Variants in SUPT3H observed in about 807,000 individuals in gnomAD.
SUPT3H encodes SPT3 homolog, SAGA and STAGA complex component.
A neutral mutation model predicts 44.3 loss-of-function variants in SUPT3H; 44 were observed. That is an observed-to-expected ratio of 0.99 (90% confidence interval 0.78 to 1.28). The LOEUF is 1.28. Among genes scored for constraint, SUPT3H ranks in the 50% most tolerant of loss-of-function variants. SUPT3H has a pLI of 0.00. For synonymous variants in SUPT3H, 124 were observed against 125.6 expected, an observed-to-expected ratio of 0.99 and a Z score of 0.09; for missense variants, 380 against 387.1, an observed-to-expected ratio of 0.98 and a Z score of 0.15.
chr6:45,073,601 T>C (rs1187040941), intron 3 of SUPT3H, among the ~76,000 whole-genome samples: 1 of 152,076 alleles, frequency 6.6e-6, no homozygotes, highest in East Asian at 1.9e-4. Context: ...AAATTTTATA[T>C]AGAATAGTCA....
intron 10 of SUPT3H, among the ~76,000 whole-genome samples, chr6:44,920,777 A>C (rs1768579912): frequency 6.6e-6 from 1 of 152,046 alleles, no homozygotes; most frequent in South Asian, 2.1e-4. Context: ...TTGATGCTTC[A>C]TCTCATCTCA....
chr6:45,278,773 T>C (rs1777450181), intron 2 of SUPT3H, among the ~76,000 whole-genome samples: 2 of 152,176 alleles, frequency 1.3e-5, no homozygotes, highest in African/African-American at 4.8e-5. Flanking sequence ...ATACAGATTA[T>C]AGAAAATGAC....
chr6:45,318,843 T>A (rs986355439), intron 2 of SUPT3H, among the ~76,000 whole-genome samples: 1 of 152,140 alleles, frequency 6.6e-6, no homozygotes, highest in Non-Finnish European at 1.5e-5. Context: ...TAAATCTATA[T>A]TAACCATTTA....
chr6:45,069,584 A>C (rs1253804744), intron 3 of SUPT3H, among the ~76,000 whole-genome samples: 2 of 152,164 alleles, frequency 1.3e-5, no homozygotes, highest in Non-Finnish European at 2.9e-5. Flanking sequence ...GGAAGAAAAC[A>C]GTACACTCAT....
intron 2 of SUPT3H, among the ~76,000 whole-genome samples, chr6:45,258,380 C>T (rs1773762349): frequency 1.3e-5 from 2 of 152,140 alleles, no homozygotes; most frequent in Non-Finnish European, 2.9e-5. Flanking sequence ...ACCATAGCAA[C>T]CATAATTGGC....
At chr6:44,924,026 T>C (rs985836523) in intron 10 of SUPT3H, among the ~76,000 whole-genome samples, 1 of 152,090 alleles carries the variant, frequency 6.6e-6, no homozygotes, top group African/African-American at 2.4e-5. Flanking sequence ...AGATTTTCTT[T>C]GTGACATCTT....
chr6:44,834,474 C>A (rs1769448507), intron 10 of SUPT3H, among the ~76,000 whole-genome samples: 1 of 152,058 alleles, frequency 6.6e-6, no homozygotes, highest in Non-Finnish European at 1.5e-5. Context: ...CTGACTGCCA[C>A]AACATGTTTA....
At chr6:44,920,474 A>T (rs1239061232) in intron 10 of SUPT3H, among the ~76,000 whole-genome samples, 1 of 151,420 alleles carries the variant, frequency 6.6e-6, no homozygotes, top group Non-Finnish European at 1.5e-5. Context: ...AGGTACGAGG[A>T]TCACTTGAGC....
chr6:45,005,917 C>T (rs1782658161), intron 5 of SUPT3H, among the ~76,000 whole-genome samples: 1 of 152,008 alleles, frequency 6.6e-6, no homozygotes, highest in South Asian at 2.1e-4. Flanking sequence ...TTCATAGACC[C>T]TCTATTCCAG....
intron 10 of SUPT3H, among the ~76,000 whole-genome samples, chr6:44,914,718 C>T (rs532721437): frequency 6.6e-6 from 1 of 152,230 alleles, no homozygotes; most frequent in Non-Finnish European, 1.5e-5. Context: ...CTCTTCAGAC[C>T]ATCGTTCTGT....
chr6:45,228,559 A>G (rs1767352118), intron 2 of SUPT3H, among the ~76,000 whole-genome samples: 1 of 152,186 alleles, frequency 6.6e-6, no homozygotes, highest in African/African-American at 2.4e-5. Context: ...ACTCTTTATA[A>G]TAAATCTCTT....
chr6:45,020,559 A>T lies in SUPT3H; in HGVS notation c.260T>A (p.Met87Lys), dbSNP rs746339675. 6.2e-7 allele frequency: 1 copy of T among 1,611,158 alleles called. No homozygotes were observed. Among genetic ancestry groups the T allele is most frequent in the Non-Finnish European group, 8.5e-7 (1 of 1,178,148 alleles). Reference protein sequence around the residue: ...VITPEDLLFLMRKDKKKLRRL... With the variant: ...VITPEDLLFLKRKDKKKLRRL... ...ATGTTATATTACCTTATCTTTGCGC[A>T]TCAAAAACAGAAGATCTTCAGGAGT... Residue 87 changes from methionine (M) to lysine (K), a missense_variant, in exon 4 of 11, where the codon ATG becomes AAG. Transcript: ENST00000371459.
At position 45,296,738 on chromosome 6, in the gene SUPT3H, CA is replaced by C. The variant is rs60921436; in HGVS notation, c.101+68462del. Among the ~76,000 whole-genome samples, 15 of 29,702 alleles carry C rather than the reference CA, an allele frequency of 5.1e-4. 1 individual carries two copies. The highest frequency in any genetic ancestry group is 1.2e-3 in the East Asian group (1 of 818). The allele number at this position is 29,702 out of a possible 152,430, so 19.5% of individuals were successfully genotyped here. A position where few individuals can be genotyped will look rare whatever the true frequency, so the allele number is the denominator to read the frequency against. On this transcript the variant is annotated intron_variant, in intron 2 of 10. Transcript: ENST00000371459. ...TGGCCAACAGAGTAAGACTCTGTCT[CA>C]AAAAAAAAAAAAAAAAAAAAAAAAA...
chr6:45,272,189 G>A (rs1032637891), intron 2 of SUPT3H, among the ~76,000 whole-genome samples: 19 of 152,104 alleles, frequency 1.2e-4, no homozygotes, highest in African/African-American at 1.2e-4. Context: ...GGAGACTGTC[G>A]GGAAGGCATG....
At chr6:45,274,939 T>G (rs1224354265) in intron 2 of SUPT3H, among the ~76,000 whole-genome samples, 1 of 152,174 alleles carries the variant, frequency 6.6e-6, no homozygotes, top group Non-Finnish European at 1.5e-5. Context: ...TCTATTGAGT[T>G]GATGCTTTGA....
At chr6:44,810,003 C>T (rs1394023159) in intron 11 of SUPT3H, among the ~76,000 whole-genome samples, 2 of 152,138 alleles carry the variant, frequency 1.3e-5, no homozygotes, top group African/African-American at 2.4e-5. Context: ...GGTGAAGGGG[C>T]CAAATGTATT....
chr6:44,902,188 G>A (rs1765185092), intron 10 of SUPT3H, among the ~76,000 whole-genome samples: 1 of 152,154 alleles, frequency 6.6e-6, no homozygotes, highest in African/African-American at 2.4e-5. Context: ...AACCTTAAAT[G>A]TAAATGGGCT....
chr6:45,036,556 C>CGCAA (rs1562311844), intron 3 of SUPT3H, among the ~76,000 whole-genome samples: 1 of 152,110 alleles, frequency 6.6e-6, no homozygotes, highest in African/African-American at 2.4e-5. Context: ...TAAAAAGTTA[C>CGCAA]ATTGCCATTT....
chr6:45,244,485 C>A (rs1481190290), intron 2 of SUPT3H, among the ~76,000 whole-genome samples: 1 of 152,120 alleles, frequency 6.6e-6, no homozygotes, highest in Non-Finnish European at 1.5e-5. Flanking sequence ...AAATCTTACA[C>A]AAAACAGTAC....
Sources: allele counts gnomAD v4.1 joint callset (sites outside exome capture counted in the v4.1 genomes callset), GRCh38; gene constraint gnomAD v4.1.1; transcripts MANE v1.5; gene names NCBI Gene and HGNC (gene_info 2026-07-23, HGNC 2026-07-21).